MAP3K13: variants seen among roughly 807,000 people sequenced by gnomAD.
MAP3K13 encodes the protein leucine zipper-bearing kinase.
MAP3K13 carries 52 observed loss-of-function variants against 104.0 expected under a neutral mutation model. The observed-to-expected ratio is 0.50, with a 90% CI of 0.40 to 0.63. MAP3K13 has a LOEUF of 0.63. Among genes scored for constraint, MAP3K13 ranks in the 20% least tolerant of loss-of-function variants. The pLI, the probability that MAP3K13 is intolerant of heterozygous loss-of-function variation, is 0.00. For synonymous variants in MAP3K13, 394 were observed against 442.2 expected, an observed-to-expected ratio of 0.89 and a Z score of 1.37; for missense variants, 914 against 1,218.5, an observed-to-expected ratio of 0.75 and a Z score of 3.72.
At chr3:185,288,336 A>G (rs1720603832) in intron 2 of MAP3K13, among the ~76,000 whole-genome samples, 1 of 151,956 alleles carries the variant, frequency 6.6e-6, no homozygotes, top group Non-Finnish European at 1.5e-5. Flanking sequence ...GTGTGTACAT[A>G]GATACATAGT....
At chr3:185,421,512 T>C (rs946920714) in intron 1 of MAP3K13, among the ~76,000 whole-genome samples, 2 of 152,216 alleles carry the variant, frequency 1.3e-5, no homozygotes, top group African/African-American at 4.8e-5. Flanking sequence ...TAGTACTTTC[T>C]TTTGATAAGG....
In MAP3K13 at chr3:185,485,846, A is replaced by G. The variant is rs1237858127; in HGVS notation, c.*3390A>G. 1.3e-5 allele frequency: 2 copies of G among 152,186 alleles called. No individual in the cohort carries two copies. Among genetic ancestry groups the G allele is most frequent in the African/African-American group, 2.4e-5 (1 of 41,432 alleles). The allele number at this position is 152,186 out of a possible 1,614,324, so 9.4% of individuals were successfully genotyped here. ...CTACCGTATATACATGTAGGGCATG[A>G]CATAAAATGCCTAACTGTGATGTCA... On this transcript the variant is annotated 3_prime_UTR_variant, in exon 14 of 14. Coordinates refer to ENST00000265026, the MANE Select transcript of MAP3K13 (RefSeq NM_004721.5).
chr3:185,400,437 C>A (rs138374299), intron 1 of MAP3K13, among the ~76,000 whole-genome samples: 1 of 152,348 alleles, frequency 6.6e-6, no homozygotes, highest in East Asian at 1.9e-4. Flanking sequence ...GAGCAGGGGT[C>A]CACTGTTTTG....
intron 2 of MAP3K13, among the ~76,000 whole-genome samples, chr3:185,287,684 A>T (rs979445329): frequency 1.3e-5 from 2 of 152,138 alleles, no homozygotes; most frequent in African/African-American, 4.8e-5. Flanking sequence ...ATATGATACC[A>T]CTTATTGTGT....
chr3:185,382,588 G>GTT (rs1724779646), intron 1 of MAP3K13, among the ~76,000 whole-genome samples: 1 of 152,182 alleles, frequency 6.6e-6, no homozygotes, highest in South Asian at 2.1e-4. Context: ...TGTTGGAGGT[G>GTT]AGGCCTAGTG....
chr3:185,417,980 A>C, intron 1 of MAP3K13: 1 of 1,610,388 alleles, frequency 6.2e-7, no homozygotes, highest in Admixed American at 1.7e-5. Flanking sequence ...GCTTTACGCC[A>C]AGTGCCATAC....
intron 7 of MAP3K13, among the ~76,000 whole-genome samples, chr3:185,454,492 A>ATATGAGATATATATGATATAT (rs1716176728): frequency 9.3e-6 from 1 of 108,028 alleles, no homozygotes; most frequent in African/African-American, 3.8e-5. Flanking sequence ...TATGATATAT[A>ATATGAGATATATATGATATAT]TACATATATA....
chr3:185,390,388 G>T (rs978282677), intron 1 of MAP3K13, among the ~76,000 whole-genome samples: 1 of 152,118 alleles, frequency 6.6e-6, no homozygotes, highest in African/African-American at 2.4e-5. Context: ...TCTGGCTTCA[G>T]GGTCCAAACT....
chr3:185,443,575 G>A lies in MAP3K13; in HGVS notation c.790G>A (p.Ala264Thr). 6.2e-7 allele frequency: 1 copy of A among 1,614,122 alleles called. No individual in the cohort carries two copies. Among genetic ancestry groups the A allele is most frequent in the Non-Finnish European group, 8.5e-7 (1 of 1,179,986 alleles). ...GCTAGTAGACTGGTCCACAGGAATT[G>A]CAAGTGGAATGAATTATTTGCACCT... Reference protein sequence around the residue: ...RLLVDWSTGIASGMNYLHLHK... With the variant: ...RLLVDWSTGITSGMNYLHLHK... The change falls in exon 4 of 14, where the codon GCA (alanine) becomes ACA (threonine). Residue 264 changes from alanine (A) to threonine (T), a missense_variant. Physicochemically the swap from Ala to Thr is moderately conservative, Grantham distance 58 (BLOSUM62 0). Around this residue, in one of 3 missense-constraint regions of MAP3K13, gnomAD observed 175 missense variants for 321.3 expected, o/e 0.54. Transcript: ENST00000265026.
chr3:185,405,431 C>T (rs1713056927), intron 1 of MAP3K13, among the ~76,000 whole-genome samples: 1 of 152,172 alleles, frequency 6.6e-6, no homozygotes, highest in Non-Finnish European at 1.5e-5. Context: ...GATGTGGCAC[C>T]ACCCTATAGT....
chr3:185,329,773 T>G (rs1435261708), intron 2 of MAP3K13, among the ~76,000 whole-genome samples: 3 of 152,228 alleles, frequency 2.0e-5, no homozygotes, highest in Admixed American at 6.5e-5. Context: ...TAAGGTCGCA[T>G]GTGGTGTTGG....
intron 2 of MAP3K13, among the ~76,000 whole-genome samples, chr3:185,314,006 A>G (rs7431357): frequency 0.78 from 118,186 of 152,174 alleles, 46,442 homozygotes; most frequent in Non-Finnish European, 0.84. Context: ...TCTCAGAAGT[A>G]GAGTGCAAGA....
chr3:185,348,308 G>T (rs1723010402), intron 2 of MAP3K13, among the ~76,000 whole-genome samples: 1 of 152,120 alleles, frequency 6.6e-6, no homozygotes, highest in Non-Finnish European at 1.5e-5. Flanking sequence ...TTATTATGGA[G>T]CCTCGAGTAA....
At chr3:185,318,659 G>A (rs954963181) in intron 2 of MAP3K13, among the ~76,000 whole-genome samples, 1 of 152,148 alleles carries the variant, frequency 6.6e-6, no homozygotes, top group Non-Finnish European at 1.5e-5. Flanking sequence ...GTCTGTAGGG[G>A]CTTCTGTGAA....
At chr3:185,349,050 G>C (rs1323015471) in intron 2 of MAP3K13, among the ~76,000 whole-genome samples, 1 of 152,182 alleles carries the variant, frequency 6.6e-6, no homozygotes, top group Non-Finnish European at 1.5e-5. Flanking sequence ...AGAGAAATCA[G>C]ATTGTTCTGA....
rs1560121148 is a variant in MAP3K13, at chr3:185,455,877, A to ATATATAT, written c.1278+4482_1278+4483insTATATAT. Among the ~76,000 whole-genome samples the ATATATAT allele has an allele frequency of 5.0e-3, 260 of 51,580 alleles. 10 individuals carry two copies. The highest frequency in any genetic ancestry group is 0.011 in the African/African-American group (254 of 22,734). 33.8% of individuals were successfully genotyped at this position (51,580 alleles called of 152,430 possible). On this transcript the variant is annotated intron_variant, in intron 7 of 13. Transcript: ENST00000265026. ...ATGAGATATATATGAGATATAGATG[A>ATATATAT]GATATATGATATAGATGAGATATAT...
At chr3:185,409,226 G>C (rs572871824) in intron 1 of MAP3K13, among the ~76,000 whole-genome samples, 2 of 152,192 alleles carry the variant, frequency 1.3e-5, no homozygotes, top group Non-Finnish European at 2.9e-5. Context: ...AAATTAGCCA[G>C]GCGTGGTGGT....
chr3:185,455,350 G>C (rs907071621), intron 7 of MAP3K13, among the ~76,000 whole-genome samples: 1 of 25,104 alleles, frequency 4.0e-5, no homozygotes, highest in Admixed American at 5.3e-4. Context: ...AGATATATAT[G>C]ATATATATAT....
chr3:185,373,193 T>C (rs1239324842), intron 1 of MAP3K13, among the ~76,000 whole-genome samples: 1 of 152,218 alleles, frequency 6.6e-6, no homozygotes, highest in Non-Finnish European at 1.5e-5. Flanking sequence ...CTTCTGGGCC[T>C]TGTTTTGGAC....
Sources: allele counts gnomAD v4.1 joint callset (sites outside exome capture counted in the v4.1 genomes callset), GRCh38; gene constraint gnomAD v4.1.1; regional missense constraint gnomAD v4.1.1; transcripts MANE v1.5; gene names NCBI Gene and HGNC (gene_info 2026-07-23, HGNC 2026-07-21).